TDRD9: variants seen among roughly 807,000 people sequenced by gnomAD.
TDRD9 encodes ATP-dependent RNA helicase TDRD9.
In TDRD9, 124 loss-of-function variants were observed where a neutral mutation model predicts 172.6. That is an observed-to-expected ratio of 0.72 (90% confidence interval 0.62 to 0.83). TDRD9 has a LOEUF of 0.83. Ranked by LOEUF, TDRD9 falls within the 40% of genes least tolerant of loss-of-function variation. The probability of loss-of-function intolerance (pLI) is 0.00; values close to 1 mark genes in which losing one functional copy is unlikely to be tolerated. For missense variants in TDRD9, 1,479 were observed against 1,714.1 expected (o/e 0.86, Z 2.42); for synonymous variants, 619 against 617.1 (o/e 1.00, Z -0.05).
chr14:104,003,003 A>G (rs1263676448), intron 13 of TDRD9, among the ~76,000 whole-genome samples: 3 of 152,162 alleles, frequency 2.0e-5, no homozygotes, highest in Non-Finnish European at 4.4e-5. Context: ...TGCTGGGATT[A>G]CAGGTGTAGG....
intron 32 of TDRD9, among the ~76,000 whole-genome samples, chr14:104,038,548 C>T (rs1331799616): frequency 1.3e-5 from 2 of 152,186 alleles, no homozygotes; most frequent in South Asian, 2.1e-4. Context: ...TTGCTGCTTG[C>T]CAGAGACCTC....
At chr14:103,995,390 C>T (rs1371233921) in intron 11 of TDRD9, among the ~76,000 whole-genome samples, 3 of 152,166 alleles carry the variant, frequency 2.0e-5, no homozygotes, top group African/African-American at 7.2e-5. Context: ...GGGTGGTATT[C>T]TAGGGCAAGT....
In TDRD9 at chr14:103,966,754, A is replaced by G. The variant is rs1280149493; in HGVS notation, c.688A>G (p.Met230Val). The stretch of plus-strand genomic sequence containing the variant: ...AACAGAGGACACCAGGCTAATTTAT[A>G]TGACAACTGGAGTCCTGCTTCAGAA... ...IATEDTRLIY[M>V]TTGVLLQKIV... Residue 230 changes from methionine (M) to valine (V), a missense_variant, in exon 5 of 36, where the codon ATG becomes GTG. Physicochemically the swap from Met to Val is conservative, Grantham distance 21. This residue lies in a region of TDRD9 where 1,413 missense variants were observed against 1,649.1 expected (regional missense o/e 0.86). Transcript: ENST00000409874. 2 of 1,551,052 alleles carry G rather than the reference A, an allele frequency of 1.3e-6. No homozygotes were observed. The highest frequency in any genetic ancestry group is 2.0e-5 in the Admixed American group (1 of 50,972).
chr14:103,952,484 G>A (rs1277228199), intron 1 of TDRD9, among the ~76,000 whole-genome samples: 3 of 149,528 alleles, frequency 2.0e-5, no homozygotes, highest in Non-Finnish European at 3.0e-5. Flanking sequence ...CTCGTGATCC[G>A]CCCACCTCGG....
At chr14:104,023,713 G>T (rs1177566249) in intron 24 of TDRD9, among the ~76,000 whole-genome samples, 1 of 152,218 alleles carries the variant, frequency 6.6e-6, no homozygotes, top group East Asian at 1.9e-4. Flanking sequence ...TTCAGTTCTG[G>T]GAGGAACTTA....
chr14:104,019,879 A>G (rs1304314167), intron 23 of TDRD9, among the ~76,000 whole-genome samples: 1 of 152,218 alleles, frequency 6.6e-6, no homozygotes, highest in Non-Finnish European at 1.5e-5. Context: ...CTGAGGCCCA[A>G]TATTAGAGCA....
chr14:103,960,590 G>T (rs186370069), intron 2 of TDRD9, among the ~76,000 whole-genome samples: 1 of 152,208 alleles, frequency 6.6e-6, no homozygotes. Flanking sequence ...GCAAAGGTGC[G>T]AGAGCCACAC....
intron 6 of TDRD9, among the ~76,000 whole-genome samples, chr14:103,971,159 A>AT (rs1566749267): frequency 2.1e-5 from 3 of 142,346 alleles, no homozygotes; most frequent in Non-Finnish European, 4.6e-5. Context: ...AATTTTTTGT[A>AT]TTTTTAGTAG....
In TDRD9 at chr14:104,052,050, C is replaced by G; in HGVS notation, c.4117C>G (p.Gln1373Glu). The G allele has an allele frequency of 6.3e-7, 1 of 1,587,314 alleles. No individual in the cohort carries two copies. Among genetic ancestry groups the G allele is most frequent in the Non-Finnish European group, 8.6e-7 (1 of 1,166,414 alleles). ...CAGAGGGAAGAACACCTTTCTCTAC[C>G]AGCTCCACAAACTGGTTGTGCTCGG... ...SSRGKNTFLYQLHKLVVLGT is the reference protein window; with the variant it reads ...SSRGKNTFLYELHKLVVLGT The change falls in exon 36 of 36, where the codon CAG becomes GAG. Residue 1373 changes from glutamine to glutamate, a missense_variant. Gln to Glu is a conservative substitution (Grantham distance 29). Around this residue, in one of 3 missense-constraint regions of TDRD9, gnomAD observed 1,413 missense variants for 1,649.1 expected, o/e 0.86. Transcript: ENST00000409874.
At chr14:103,928,995 G>A (rs562595166) in intron 1 of TDRD9, 1 of 183,364 alleles carries the variant, frequency 5.5e-6, no homozygotes, top group South Asian at 2.0e-4. Flanking sequence ...AGGTTTTCAG[G>A]ATAACGGAGC....
chr14:104,033,789 G>C (rs908947095), intron 30 of TDRD9, among the ~76,000 whole-genome samples, 171 bp from the exon 31 acceptor site: 1 of 152,168 alleles, frequency 6.6e-6, no homozygotes, highest in African/African-American at 2.4e-5. Flanking sequence ...TGTGTGAAGA[G>C]GTGGTCCAGT....
At chr14:103,981,092 C>T (rs1301595785) in intron 7 of TDRD9, among the ~76,000 whole-genome samples, 4 of 152,158 alleles carry the variant, frequency 2.6e-5, no homozygotes, top group Admixed American at 1.3e-4. Context: ...CTCGTGCCCT[C>T]GGTCTCTTGC....
chr14:104,024,609 C>T lies in TDRD9; in HGVS notation c.2647C>T (p.Gln883Ter). The T allele has an allele frequency of 6.2e-7, 1 of 1,612,474 alleles. No individual in the cohort carries two copies. Among genetic ancestry groups the T allele is most frequent in the Non-Finnish European group, 8.5e-7 (1 of 1,179,058 alleles). ...CCAGAAGCAGACGGTAGATCCTATG[C>T]AAGTCTCCTTTAACACATCAGACAG... The part of the protein sequence containing the change: ...DFQKQTVDPM[Q>*]VSFNTSDRSQ... The change falls in exon 25 of 36, where the codon CAA becomes TAA. Residue 883 changes from glutamine to a stop codon, truncating the protein, a stop_gained. Transcript: ENST00000409874. LOFTEE classifies it high-confidence loss of function.
intron 34 of TDRD9, chr14:104,049,306 A>G (rs188821887): frequency 5.7e-6 from 1 of 174,484 alleles, no homozygotes; most frequent in Non-Finnish European, 1.2e-5. Context: ...AATGGTACAA[A>G]ATGTCCTGTT....
chr14:103,996,917 C>T (rs2034079285), intron 12 of TDRD9, among the ~76,000 whole-genome samples: 1 of 152,008 alleles, frequency 6.6e-6, no homozygotes, highest in South Asian at 2.1e-4. Context: ...GGGTCCATAC[C>T]TGGCAAAAGA....
chr14:103,972,568 C>T lies in TDRD9; in HGVS notation c.846+1947C>T, dbSNP rs75782701. ...AGTCTAAATAAGTCTACTCATAGGT[C>T]GACCTTAACCCAGCTGTGCTAAGCA... On this transcript the variant is annotated intron_variant, in intron 6 of 35. Coordinates refer to ENST00000409874, the MANE Select transcript of TDRD9 (RefSeq NM_153046.3). Among the ~76,000 whole-genome samples, 11 of 152,296 alleles carry T rather than the reference C, an allele frequency of 7.2e-5. No individual in the cohort carries two copies. The South Asian group carries it at 1.9e-3, about 26-fold the overall frequency.
intron 33 of TDRD9, among the ~76,000 whole-genome samples, chr14:104,041,071 T>G (rs2035598350): frequency 6.6e-6 from 1 of 151,880 alleles, no homozygotes; most frequent in South Asian, 2.1e-4. Context: ...AGAAGTTCCA[T>G]GAGACGGGTG....
At chr14:103,961,865 T>A (rs970325919) in intron 2 of TDRD9, among the ~76,000 whole-genome samples, 1 of 152,136 alleles carries the variant, frequency 6.6e-6, no homozygotes, top group African/African-American at 2.4e-5. Flanking sequence ...CCTGGTTGTG[T>A]GTTTTATTAG....
At chr14:104,008,294 A>G in intron 19 of TDRD9, 119 bp from the exon 20 acceptor site, 1 of 644,284 alleles carries the variant, frequency 1.6e-6, no homozygotes. Context: ...TGTCAACTTG[A>G]GTAGCTCAGT....
Sources: gnomAD v4.1 joint callset for allele counts (sites outside exome capture counted in the v4.1 genomes callset) on GRCh38, gnomAD v4.1.1 for gene constraint, gnomAD v4.1.1 regional missense constraint, MANE v1.5 for transcripts, NCBI Gene and HGNC (gene_info 2026-07-23, HGNC 2026-07-21) for gene names.